The following SYNDIG1L variants were observed in gnomAD, a reference collection of about 807,000 sequenced individuals.
The protein encoded by SYNDIG1L is synapse differentiation-inducing gene protein 1-like.
A neutral mutation model predicts 20.1 loss-of-function variants in SYNDIG1L; 13 were observed. The ratio of observed to expected loss-of-function variants is 0.65; its 90% CI spans 0.42 to 1.03. SYNDIG1L has a LOEUF of 1.03. Ranked by LOEUF, SYNDIG1L falls within the 50% of genes least tolerant of loss-of-function variation. SYNDIG1L has a pLI of 0.00. For missense variants in SYNDIG1L, 294 were observed against 305.1 expected, an observed-to-expected ratio of 0.96 and a Z score of 0.27; for synonymous variants, 128 against 129.3, an observed-to-expected ratio of 0.99 and a Z score of 0.07.
the SYNDIG1L span, among the ~76,000 whole-genome samples, chr14:74,473,768 C>A: frequency 6.6e-6 from 1 of 152,232 alleles, no homozygotes; most frequent in Non-Finnish European, 1.5e-5. Context: ...TGAAGGAATG[C>A]ATACTGTCCT....
the SYNDIG1L span, among the ~76,000 whole-genome samples, chr14:74,466,881 C>T: frequency 6.6e-6 from 1 of 152,168 alleles, no homozygotes; most frequent in East Asian, 1.9e-4. Flanking sequence ...GTGGATGGCT[C>T]CAGGGGCGAC....
upstream of SYNDIG1L, among the ~76,000 whole-genome samples, chr14:74,429,848 C>G (rs779797400): frequency 1.9e-4 from 29 of 152,232 alleles, no homozygotes; most frequent in Non-Finnish European, 3.8e-4. Context: ...CTTACTGCTT[C>G]TGAGTCAGGC....
chr14:74,409,179 A>C, intron 2 of SYNDIG1L, 149 bp downstream of exon 2: 1 of 515,566 alleles, frequency 1.9e-6, no homozygotes, highest in Non-Finnish European at 3.2e-6. Context: ...CCTGGGCTCA[A>C]GCAATCCTCT....
rs571188744 is a variant in SYNDIG1L, at chr14:74,416,951, T to C, written c.-57-7150A>G. On this transcript the variant is annotated intron_variant, in intron 1 of 3. Transcript: ENST00000331628. ...GTGCTCACAGCACACAGCTGGTGAGTGGGGAGCTGGACATGAGCCTTGGAA... is the reference window on the plus strand; with the variant it reads ...GTGCTCACAGCACACAGCTGGTGAGCGGGGAGCTGGACATGAGCCTTGGAA... Among the ~76,000 whole-genome samples, 18 of 152,164 alleles carry C rather than the reference T, an allele frequency of 1.2e-4. No homozygotes were observed. The East Asian group carries it at 3.3e-3, about 28-fold the overall frequency.
the SYNDIG1L span, among the ~76,000 whole-genome samples, chr14:74,462,832 TATG>T: frequency 1.3e-5 from 2 of 152,276 alleles, no homozygotes; most frequent in South Asian, 4.1e-4. Flanking sequence ...ATTTTTGACT[TATG>T]ATATTTTCCA....
chr14:74,434,853 A>T, the SYNDIG1L span, among the ~76,000 whole-genome samples: 1 of 151,006 alleles, frequency 6.6e-6, no homozygotes, highest in Admixed American at 6.6e-5. Flanking sequence ...AGGCCGAGGC[A>T]GGTGGATCAT....
chr14:74,451,763 G>A, the SYNDIG1L span, among the ~76,000 whole-genome samples: 1 of 151,994 alleles, frequency 6.6e-6, no homozygotes, highest in Non-Finnish European at 1.5e-5. Flanking sequence ...AGGCCAAGGC[G>A]GGTGGATCAC....
chr14:74,414,407 AC>A (rs1466319970), intron 1 of SYNDIG1L, among the ~76,000 whole-genome samples: 1 of 152,090 alleles, frequency 6.6e-6, no homozygotes, highest in African/African-American at 2.4e-5. Flanking sequence ...AGGCCGCAGC[AC>A]CCAGGTTGTC....
At chr14:74,416,033 T>C (rs1479412263) in intron 1 of SYNDIG1L, among the ~76,000 whole-genome samples, 1 of 152,042 alleles carries the variant, frequency 6.6e-6, no homozygotes, top group East Asian at 1.9e-4. Context: ...GGCAAAACTA[T>C]AGCGACAGAA....
chr14:74,466,836 T>C, the SYNDIG1L span, among the ~76,000 whole-genome samples: 1 of 152,196 alleles, frequency 6.6e-6, no homozygotes, highest in Non-Finnish European at 1.5e-5. Context: ...TTGGAAGCCA[T>C]TGCTCAATCA....
At chr14:74,460,053 T>G in the SYNDIG1L span, among the ~76,000 whole-genome samples, 9 of 151,948 alleles carry the variant, frequency 5.9e-5, no homozygotes, top group Admixed American at 1.3e-4. Flanking sequence ...CCCTCTCATC[T>G]CTGTGGCCTG....
chr14:74,454,503 G>C, the SYNDIG1L span, among the ~76,000 whole-genome samples: 1 of 152,222 alleles, frequency 6.6e-6, no homozygotes, highest in Non-Finnish European at 1.5e-5. Context: ...TGGCCAGAGA[G>C]CAGCCCTGAG....
chr14:74,476,255 C>T, the SYNDIG1L span: 1 of 601,664 alleles, frequency 1.7e-6, no homozygotes, highest in Non-Finnish European at 3.0e-6. Flanking sequence ...TGCTGGCCTG[C>T]TCTCTGCTTT....
the SYNDIG1L span, among the ~76,000 whole-genome samples, chr14:74,440,055 T>G: frequency 6.6e-6 from 1 of 151,908 alleles, no homozygotes; most frequent in East Asian, 1.9e-4. Context: ...AGATTACACA[T>G]AGTCTACCAT....
chr14:74,450,807 A>G, the SYNDIG1L span, among the ~76,000 whole-genome samples: 12 of 152,184 alleles, frequency 7.9e-5, no homozygotes. Flanking sequence ...CAAACAACTC[A>G]TATTATTTAA....
At chr14:74,444,164 T>G in the SYNDIG1L span, among the ~76,000 whole-genome samples, 3 of 151,852 alleles carry the variant, frequency 2.0e-5, no homozygotes, top group East Asian at 5.9e-4. Flanking sequence ...GCCTCCCGGA[T>G]TCAAGAGGCC....
At chr14:74,421,103 A>T (rs2139630222) in intron 1 of SYNDIG1L, among the ~76,000 whole-genome samples, 1 of 152,350 alleles carries the variant, frequency 6.6e-6, no homozygotes, top group Non-Finnish European at 1.5e-5. Flanking sequence ...CAGAAAAAAA[A>T]CTTTGAAAAA....
chr14:74,418,424 C>T (rs979102053), intron 1 of SYNDIG1L, among the ~76,000 whole-genome samples: 2 of 152,244 alleles, frequency 1.3e-5, no homozygotes, highest in African/African-American at 4.8e-5. Flanking sequence ...CCAACTGCTC[C>T]TAATTCCTGA....
chr14:74,432,521 G>C, the SYNDIG1L span, among the ~76,000 whole-genome samples: 1 of 152,190 alleles, frequency 6.6e-6, no homozygotes, highest in South Asian at 2.1e-4. Flanking sequence ...ACTGAGCCAG[G>C]TTGGGCACTG....
Sources: gnomAD v4.1 joint callset for allele counts (sites outside exome capture counted in the v4.1 genomes callset) on GRCh38, gnomAD v4.1.1 for gene constraint, MANE v1.5 for transcripts, NCBI Gene and HGNC (gene_info 2026-07-23, HGNC 2026-07-21) for gene names.